Variants in C11orf42 observed in about 807,000 individuals in gnomAD.
The protein encoded by C11orf42 is uncharacterized protein C11orf42.
A neutral mutation model predicts 27.9 loss-of-function variants in C11orf42; 24 were observed. That is an observed-to-expected ratio of 0.86 (90% confidence interval 0.62 to 1.21). The LOEUF is 1.21. C11orf42 is among the 50% of genes most tolerant of loss of function. The pLI is 0.00. For missense variants in C11orf42, 455 were observed against 424.1 expected, an observed-to-expected ratio of 1.07 and a Z score of -0.64; for synonymous variants, 187 against 180.8, an observed-to-expected ratio of 1.03 and a Z score of -0.28.
Position 6,211,051 on chromosome 11 carries a change from CAA to C in C11orf42, c.*12_*13del. ...TCGACAGTGACGACTGAAGCTGAAGCAAAAGATTCCGGGGGCAAAGCCCCCAA... is the reference window on the plus strand; with the variant it reads ...TCGACAGTGACGACTGAAGCTGAAGCAAGATTCCGGGGGCAAAGCCCCCAA... On this transcript the variant is annotated 3_prime_UTR_variant, in exon 3 of 3. Transcript: ENST00000316375. 1 of 1,609,290 alleles carries C rather than the reference CAA, an allele frequency of 6.2e-7. No homozygotes were observed. Among genetic ancestry groups the C allele is most frequent in the Non-Finnish European group, 8.5e-7 (1 of 1,178,592 alleles).
chr11:6,205,561 T>G lies in C11orf42; in HGVS notation c.-55T>G. ...GACCTCAGGTCTCACCTCCCTGGGCTGCCTGGGGTTCCTGCAGCAGCCACT... is the reference window on the plus strand; with the variant it reads ...GACCTCAGGTCTCACCTCCCTGGGCGGCCTGGGGTTCCTGCAGCAGCCACT... On this transcript the variant is annotated 5_prime_UTR_variant, in exon 1 of 3. Coordinates refer to ENST00000316375, the MANE Select transcript of C11orf42 (RefSeq NM_173525.3). 3.5e-6 allele frequency: 5 copies of G among 1,417,178 alleles called. No homozygotes were observed. In the Admixed American group the frequency reaches 8.7e-5, roughly 25 times the overall value. 87.8% of individuals were successfully genotyped at this position (1,417,178 alleles called of 1,614,324 possible).
Position 6,210,248 on chromosome 11 carries a change from C to G in C11orf42, c.471C>G (p.His157Gln). 1.2e-6 allele frequency: 2 copies of G among 1,614,244 alleles called. No individual in the cohort carries two copies. Among genetic ancestry groups the G allele is most frequent in the Non-Finnish European group, 1.7e-6 (2 of 1,180,030 alleles). ...CTCTTCCCTGGCTCCGAAGCACCCA[C>G]AGCATCTATGTCATCTACCAGGTCT... ...QQTLPWLRST[H>Q]SIYVIYQVFS... Residue 157 changes from histidine (H) to glutamine (Q), a missense_variant, in exon 2 of 3, where the codon CAC becomes CAG. By Grantham distance (24) the His-to-Gln change is conservative. Coordinates refer to ENST00000316375, the MANE Select transcript of C11orf42 (RefSeq NM_173525.3). The surrounding 1 kb of genome is among the most constrained non-coding windows in gnomAD (Gnocchi z 4.0).
chr11:6,209,778 G>C lies in C11orf42; in HGVS notation c.73-72G>C, dbSNP rs959336302. On this transcript the variant is annotated intron_variant, in intron 1 of 2. Transcript: ENST00000316375. ...GAGATGTAACTGAACGTGAACCTGG[G>C]GGTCAATTTAAAGTAGGCAACCAGT... 1.3e-5 allele frequency: 18 copies of C among 1,419,086 alleles called. No homozygotes were observed. In the African/African-American group the frequency reaches 2.3e-4, roughly 18 times the overall value. The allele number at this position is 1,419,086 out of a possible 1,614,324, so 87.9% of individuals were successfully genotyped here.
rs150668455 is a variant in C11orf42 at position 6,206,530 on chromosome 11, T to C, written c.72+843T>C. ...TTTGAAGGAAGGTGAATTTAAAACA[T>C]TCATAGAAGTCAGCCTACCAGGCTT... On this transcript the variant is annotated intron_variant, in intron 1 of 2. Transcript: ENST00000316375. Among the ~76,000 whole-genome samples the C allele has an allele frequency of 1.6e-4, 24 of 149,126 alleles. No individual in the cohort carries two copies. The East Asian group carries it at 4.8e-3, about 30-fold the overall frequency.
At chr11:6,206,747 C>G (rs1846983208) in intron 1 of C11orf42, among the ~76,000 whole-genome samples, 1 of 152,070 alleles carries the variant, frequency 6.6e-6, no homozygotes, top group Non-Finnish European at 1.5e-5. Flanking sequence ...TGGTCCTGGA[C>G]TAGATCAAGC....
chr11:6,208,089 C>A (rs1846999941), intron 1 of C11orf42, among the ~76,000 whole-genome samples: 2 of 152,126 alleles, frequency 1.3e-5, no homozygotes, highest in African/African-American at 4.8e-5. Flanking sequence ...TGAAACCATA[C>A]TTAAGTACAA....
Position 6,210,050 on chromosome 11 carries a change from T to C in C11orf42, c.273T>C (p.Gly91=), listed in dbSNP as rs1416375646. The part of the protein sequence containing the change: ...PSLLEQAGSE[G]AFAHCTREYS... ...TCCTGGAGCAGGCAGGATCTGAGGG[T>C]GCCTTCGCCCACTGCACTCGGGAAT... is the stretch of plus-strand genomic sequence containing the variant. Residue 91 remains glycine, a synonymous_variant, in exon 2 of 3, where the codon GGT becomes GGC. Coordinates refer to ENST00000316375, the MANE Select transcript of C11orf42 (RefSeq NM_173525.3). This position sits in a 1 kb window ranked among gnomAD's most constrained non-coding sequence, Gnocchi z 4.0. 6.2e-7 allele frequency: 1 copy of C among 1,614,138 alleles called. No individual in the cohort carries two copies. Among genetic ancestry groups the C allele is most frequent in the Non-Finnish European group, 8.5e-7 (1 of 1,180,012 alleles).
At chr11:6,208,957 C>T (rs956650527) in intron 1 of C11orf42, among the ~76,000 whole-genome samples, 37 of 151,870 alleles carry the variant, frequency 2.4e-4, no homozygotes, top group Admixed American at 8.5e-4. Flanking sequence ...GGCGGACTGC[C>T]TGAGCTCAGG....
chr11:6,205,736 A>G, intron 1 of C11orf42, 49 bp downstream of exon 1: 1 of 1,490,492 alleles, frequency 6.7e-7, no homozygotes, highest in South Asian at 1.1e-5. Flanking sequence ...TGTGACCTGC[A>G]TGGGTCTCAG....
Position 6,205,614 on chromosome 11 carries a change from C to A in C11orf42, c.-2C>A. 1 of 1,613,424 alleles carries A rather than the reference C, an allele frequency of 6.2e-7. No individual in the cohort carries two copies. The highest frequency in any genetic ancestry group is 1.1e-5 in the South Asian group (1 of 91,032). On this transcript the variant is annotated 5_prime_UTR_variant, in exon 1 of 3. Transcript: ENST00000316375. Reference sequence around the variant, plus strand: ...CCTGCCCAATCCCTCCCATACCCCACCATGTTGGTGGGTACCCCCAACCTG... The same window carrying A: ...CCTGCCCAATCCCTCCCATACCCCAACATGTTGGTGGGTACCCCCAACCTG...
chr11:6,209,928 G>A lies in C11orf42; in HGVS notation c.151G>A (p.Val51Met), dbSNP rs764664253. Residue 51 changes from valine (V) to methionine (M), a missense_variant, in exon 2 of 3, where the codon GTG (valine) becomes ATG (methionine). Coordinates refer to ENST00000316375, the MANE Select transcript of C11orf42 (RefSeq NM_173525.3). ...TGCAGCCTGCTATGACCTACTGGGTGTGCTGGTAAAACAGTCCCGCCCAGC... is the reference window on the plus strand; with the variant it reads ...TGCAGCCTGCTATGACCTACTGGGTATGCTGGTAAAACAGTCCCGCCCAGC... Reference protein sequence around the residue: ...SDAACYDLLGVLVKQSRPAHT... With the variant: ...SDAACYDLLGMLVKQSRPAHT... The A allele has an allele frequency of 6.2e-7, 1 of 1,609,360 alleles. No individual in the cohort carries two copies. The highest frequency in any genetic ancestry group is 2.2e-5 in the East Asian group (1 of 44,682).
In C11orf42 at chr11:6,210,818, AGG is replaced by A. The variant is rs1342092774; in HGVS notation, c.872-91_872-90del. The A allele has an allele frequency of 5.5e-6, 8 of 1,450,558 alleles. No individual in the cohort carries two copies. The highest frequency in any genetic ancestry group is 6.4e-6 in the Non-Finnish European group (7 of 1,085,782). 89.9% of individuals were successfully genotyped at this position (1,450,558 alleles called of 1,614,324 possible). A position where few individuals can be genotyped will look rare whatever the true frequency, so the allele number is the denominator to read the frequency against. On this transcript the variant is annotated intron_variant, in intron 2 of 2. Coordinates refer to ENST00000316375, the MANE Select transcript of C11orf42 (RefSeq NM_173525.3). This position sits in a 1 kb window ranked among gnomAD's most constrained non-coding sequence, Gnocchi z 4.0. ...GAGATGGAATGAGGAGGCCCTAGGA[AGG>A]GGATTGGGATGGCACAGAGGACCAG...
rs1029243595 is a variant in C11orf42 at position 6,210,802 on chromosome 11, T to G, written c.872-110T>G. ...GGAGACTGGGGAGGGTGAGATGGAA[T>G]GAGGAGGCCCTAGGAAGGGGATTGG... On this transcript the variant is annotated intron_variant, in intron 2 of 2. Coordinates refer to ENST00000316375, the MANE Select transcript of C11orf42 (RefSeq NM_173525.3). The surrounding 1 kb of genome is among the most constrained non-coding windows in gnomAD (Gnocchi z 4.0). The G allele has an allele frequency of 2.1e-6, 3 of 1,416,178 alleles. No homozygotes were observed. In the African/African-American group the frequency reaches 4.4e-5, roughly 21 times the overall value. 87.7% of individuals were successfully genotyped at this position (1,416,178 alleles called of 1,614,324 possible).
intron 1 of C11orf42, among the ~76,000 whole-genome samples, chr11:6,209,079 G>C (rs1359434506): frequency 1.3e-5 from 2 of 150,842 alleles, no homozygotes; most frequent in African/African-American, 4.9e-5. Context: ...GGGAGGCTGA[G>C]CCAGGACAAT....
chr11:6,210,607 A>G lies in C11orf42; in HGVS notation c.830A>G (p.Lys277Arg), dbSNP rs752201583. The G allele has an allele frequency of 6.2e-7, 1 of 1,614,148 alleles. No individual in the cohort carries two copies. Among genetic ancestry groups the G allele is most frequent in the South Asian group, 1.1e-5 (1 of 91,084 alleles). The change falls in exon 2 of 3, where the codon AAG becomes AGG. Residue 277 changes from lysine to arginine, a missense_variant. Lys to Arg is a conservative substitution (Grantham distance 26). Coordinates refer to ENST00000316375, the MANE Select transcript of C11orf42 (RefSeq NM_173525.3). This position sits in a 1 kb window ranked among gnomAD's most constrained non-coding sequence, Gnocchi z 4.0. ...PEDKPTRFSY[K>R]GRNPFWRGPQ... The stretch of plus-strand genomic sequence containing the variant: ...GACAAACCCACCAGATTCTCCTACA[A>G]GGGCCGAAACCCCTTCTGGAGGGGG...
intron 1 of C11orf42, 117 bp from the exon 2 acceptor site, chr11:6,209,733 A>G (rs976773884): frequency 1.5e-5 from 16 of 1,053,066 alleles, no homozygotes; most frequent in African/African-American, 3.2e-5. Flanking sequence ...AGCAGAAAGC[A>G]TAAATCTGAA....
chr11:6,210,186 C>T lies in C11orf42; in HGVS notation c.409C>T (p.Leu137=). 1.2e-6 allele frequency: 2 copies of T among 1,614,224 alleles called. No individual in the cohort carries two copies. The highest frequency in any genetic ancestry group is 1.7e-6 in the Non-Finnish European group (2 of 1,180,034). The change falls in exon 2 of 3, where the codon CTG becomes TTG. Residue 137 remains leucine (L), a synonymous_variant. Transcript: ENST00000316375. This position sits in a 1 kb window ranked among gnomAD's most constrained non-coding sequence, Gnocchi z 4.0. ...MGDLRKKVAF[L]LLPPGQVSLQ... ...TGACCTGCGCAAGAAGGTTGCCTTC[C>T]TGTTGCTGCCACCAGGGCAGGTGAG...
chr11:6,210,504 G>A lies in C11orf42; in HGVS notation c.727G>A (p.Ala243Thr). The A allele has an allele frequency of 3.1e-6, 5 of 1,613,694 alleles. No homozygotes were observed. Among genetic ancestry groups the A allele is most frequent in the African/African-American group, 1.3e-5 (1 of 74,978 alleles). ...GCCTCTGGCCCCCACATCAGCACCT[G>A]CTGATACAACTGAAGCTGCTGATGT... ...MPPLAPTSAP[A>T]DTTEAADVPP... is the part of the protein sequence containing the mutation. The change falls in exon 2 of 3, where the codon GCT (alanine) becomes ACT (threonine). Residue 243 changes from alanine to threonine, a missense_variant. Coordinates refer to ENST00000316375, the MANE Select transcript of C11orf42 (RefSeq NM_173525.3). This position sits in a 1 kb window ranked among gnomAD's most constrained non-coding sequence, Gnocchi z 4.0.
Position 6,210,807 on chromosome 11 carries a change from A to AG in C11orf42, c.872-103dup. The AG allele has an allele frequency of 1.4e-6, 2 of 1,418,912 alleles. No homozygotes were observed. The highest frequency in any genetic ancestry group is 1.9e-6 in the Non-Finnish European group (2 of 1,058,054). 87.9% of individuals were successfully genotyped at this position (1,418,912 alleles called of 1,614,324 possible). A position where few individuals can be genotyped will look rare whatever the true frequency, so the allele number is the denominator to read the frequency against. Reference sequence around the variant, plus strand: ...CTGGGGAGGGTGAGATGGAATGAGGAGGCCCTAGGAAGGGGATTGGGATGG... The same window carrying AG: ...CTGGGGAGGGTGAGATGGAATGAGGAGGGCCCTAGGAAGGGGATTGGGATGG... On this transcript the variant is annotated intron_variant, in intron 2 of 2. Transcript: ENST00000316375. This position sits in a 1 kb window ranked among gnomAD's most constrained non-coding sequence, Gnocchi z 4.0.
Sources: gnomAD v4.1 joint callset for allele counts (sites outside exome capture counted in the v4.1 genomes callset) on GRCh38, gnomAD v4.1.1 for gene constraint, Gnocchi (gnomAD v3.1) non-coding constraint, MANE v1.5 for transcripts, NCBI Gene and HGNC (gene_info 2026-07-23, HGNC 2026-07-21) for gene names.